The following SYNE2 variants were observed in gnomAD, a reference collection of about 807,000 sequenced individuals.
SYNE2 encodes the protein spectrin repeat containing nuclear envelope protein 2, also known as nesprin-2.
Under a neutral mutation model 856.3 loss-of-function variants are expected in SYNE2, and 431 were observed. The observed-to-expected ratio is 0.50, with a 90% CI of 0.47 to 0.55. SYNE2 has a LOEUF of 0.55. Among genes scored for constraint, SYNE2 ranks in the 20% least tolerant of loss-of-function variants. The pLI, the probability that SYNE2 is intolerant of heterozygous loss-of-function variation, is 0.00. For synonymous variants in SYNE2, 2,923 were observed against 2,872.3 expected (o/e 1.02, Z -0.56); for missense variants, 8,129 against 8,023.2 (o/e 1.01, Z -0.50).
At chr14:63,940,191 C>T (rs1056711790) in intron 2 of SYNE2, among the ~76,000 whole-genome samples, 3 of 151,882 alleles carry the variant, frequency 2.0e-5, no homozygotes, top group Non-Finnish European at 4.4e-5. Context: ...CATCTTCCCC[C>T]CTCACAGGTT....
intron 2 of SYNE2, among the ~76,000 whole-genome samples, chr14:63,912,242 TGAAGGAAA>T (rs2095481984): frequency 6.6e-6 from 1 of 152,020 alleles, no homozygotes; most frequent in Non-Finnish European, 1.5e-5. Flanking sequence ...CCTAAGTTGT[TGAAGGAAA>T]GAAGGAAAGG....
intron 52 of SYNE2, among the ~76,000 whole-genome samples, chr14:64,072,539 G>A (rs1309532902): frequency 1.3e-5 from 2 of 149,536 alleles, no homozygotes; most frequent in Admixed American, 6.7e-5. Flanking sequence ...TTGCTCTGTC[G>A]CCTAGGCTGG....
At chr14:64,222,101 G>A (rs1040150342) in intron 112 of SYNE2, among the ~76,000 whole-genome samples, 2 of 152,204 alleles carry the variant, frequency 1.3e-5, no homozygotes, top group Non-Finnish European at 2.9e-5. Context: ...CTTTCTTCTT[G>A]GAGGAGAGTC....
chr14:64,138,814 G>A (rs955211127), intron 79 of SYNE2, among the ~76,000 whole-genome samples: 1 of 152,012 alleles, frequency 6.6e-6, no homozygotes, highest in Non-Finnish European at 1.5e-5. Context: ...GTTACAAGAA[G>A]GGCAGAATAT....
chr14:63,990,303 G>A, intron 19 of SYNE2, 108 bp from the exon 20 acceptor site: 1 of 1,093,372 alleles, frequency 9.1e-7, no homozygotes, highest in Non-Finnish European at 1.3e-6. Flanking sequence ...AAATTTGCCT[G>A]ATTTTGGATT....
chr14:64,008,321 A>G (rs1208073178), intron 31 of SYNE2, among the ~76,000 whole-genome samples: 7 of 152,230 alleles, frequency 4.6e-5, no homozygotes, highest in South Asian at 4.1e-4. Context: ...CTTGTGAGGT[A>G]ACATGTAAGG....
intron 14 of SYNE2, among the ~76,000 whole-genome samples, chr14:63,979,933 G>T (rs1271876267): frequency 6.6e-6 from 1 of 151,646 alleles, no homozygotes; most frequent in South Asian, 2.1e-4. Flanking sequence ...ATGAGGGGGG[G>T]AAGGAAAAAT....
rs199650982 is a variant in SYNE2 at position 63,993,917 on chromosome 14, A to T, written c.2729A>T (p.Asp910Val). 6.2e-7 allele frequency: 1 copy of T among 1,613,258 alleles called. No individual in the cohort carries two copies. Among genetic ancestry groups the T allele is most frequent in the East Asian group, 2.2e-5 (1 of 44,884 alleles). ...GAACTAAAAAATAATGTAACTGAGG[A>T]CATAAAGATGTCTTTAGAAGAAAAG... ...VEELKNNVTE[D>V]IKMSLEEKSR... The change falls in exon 22 of 116, where the codon GAC becomes GTC. Residue 910 changes from aspartate to valine, a missense_variant. This residue lies in a region of SYNE2 where 2,422 missense variants were observed against 2,357.4 expected (regional missense o/e 1.03). Transcript: ENST00000555002.
intron 64 of SYNE2, among the ~76,000 whole-genome samples, chr14:64,105,772 T>C (rs548216553): frequency 3.7e-5 from 5 of 133,470 alleles, no homozygotes; most frequent in Non-Finnish European, 7.5e-5. Flanking sequence ...AGAAAGGTTA[T>C]ACCAGGCTAG....
intron 1 of SYNE2, among the ~76,000 whole-genome samples, chr14:63,774,724 T>A (rs1045538684): frequency 7.9e-5 from 12 of 151,672 alleles, no homozygotes; most frequent in Non-Finnish European, 1.8e-4. Flanking sequence ...ATAAATAAAA[T>A]AGCTATAATT....
intron 89 of SYNE2, among the ~76,000 whole-genome samples, chr14:64,164,308 C>T (rs911906181): frequency 6.6e-6 from 1 of 152,068 alleles, no homozygotes; most frequent in Admixed American, 6.6e-5. Context: ...GACAGGGTTT[C>T]ACCATGTTAG....
At chr14:63,913,888 G>A (rs1262525868) in intron 2 of SYNE2, among the ~76,000 whole-genome samples, 5 of 29,154 alleles carry the variant, frequency 1.7e-4, no homozygotes, top group East Asian at 6.4e-4. Context: ...AAATATATAC[G>A]GGGGAAGTCT....
intron 8 of SYNE2, among the ~76,000 whole-genome samples, chr14:63,958,349 T>C (rs2096266910): frequency 6.6e-6 from 1 of 152,216 alleles, no homozygotes; most frequent in South Asian, 2.1e-4. Context: ...ACTGTGACGG[T>C]TTCCCAGACT....
At chr14:63,901,052 A>G (rs949746408) in intron 1 of SYNE2, among the ~76,000 whole-genome samples, 13 of 152,250 alleles carry the variant, frequency 8.5e-5, no homozygotes, top group Admixed American at 7.9e-4. Flanking sequence ...CTGTTATGAT[A>G]TACCTTCTGG....
Position 64,158,795 on chromosome 14 carries a change from G to C in SYNE2, c.15963G>C (p.Gln5321His). The C allele has an allele frequency of 6.2e-7, 1 of 1,613,758 alleles. No homozygotes were observed. The highest frequency in any genetic ancestry group is 1.1e-5 in the South Asian group (1 of 91,064). ...TGAGATGCCAGGTGGAGAACCTTCA[G>C]GTAAATTAACCAGAGCTTGGCATGG... is the stretch of plus-strand genomic sequence containing the variant. ...ETLRCQVENL[Q>H]SLQDEAESSE... The change falls in exon 86 of 116, where the codon CAG (glutamine) becomes CAC (histidine). Residue 5321 changes from glutamine (Q) to histidine (H), a missense_variant and splice_region_variant. This residue lies in a region of SYNE2 where 5,410 missense variants were observed against 5,284.8 expected (regional missense o/e 1.02). Coordinates refer to ENST00000555002, the MANE Select transcript of SYNE2 (RefSeq NM_182914.3).
intron 1 of SYNE2, among the ~76,000 whole-genome samples, chr14:63,839,412 A>C (rs1447980855): frequency 6.6e-6 from 1 of 152,174 alleles, no homozygotes; most frequent in African/African-American, 2.4e-5. Flanking sequence ...ATTACTAATA[A>C]GATTGAGCAT....
chr14:63,853,277 C>T (rs954846672), intron 1 of SYNE2, 134 bp downstream of exon 1: 1 of 151,920 alleles, frequency 6.6e-6, no homozygotes, highest in Admixed American at 6.6e-5. Flanking sequence ...CGGGAACCGA[C>T]CCGATGCCGG....
Position 64,217,593 on chromosome 14 carries a change from G to A in SYNE2, c.19543-805G>A, listed in dbSNP as rs140900086. On this transcript the variant is annotated intron_variant, in intron 108 of 115. Transcript: ENST00000555002. ...AGAATAATAAGACAGGGGAAAGACC[G>A]CAGTCCCTGACCTCTGCTTTACATC... 2.3e-3 allele frequency among the ~76,000 whole-genome samples: 347 copies of A among 152,288 alleles called. 1 individual carries two copies. The highest frequency in any genetic ancestry group is 0.01 in the Middle Eastern group (3 of 294).
At chr14:63,769,285 C>T (rs34817779) in intron 1 of SYNE2, among the ~76,000 whole-genome samples, 35,074 of 151,974 alleles carry the variant, frequency 0.23, 4,948 homozygotes, top group African/African-American at 0.4. Flanking sequence ...TTAAATATTA[C>T]AGGGGTAGGC....
Sources: gnomAD v4.1 joint callset for allele counts (sites outside exome capture counted in the v4.1 genomes callset) on GRCh38, gnomAD v4.1.1 for gene constraint, gnomAD v4.1.1 regional missense constraint, MANE v1.5 for transcripts, NCBI Gene and HGNC (gene_info 2026-07-23, HGNC 2026-07-21) for gene names.